GGACT: variants seen among roughly 807,000 people sequenced by gnomAD.
GGACT encodes gamma-glutamylamine cyclotransferase, also known as gamma-glutamylaminecyclotransferase.
For missense variants in GGACT, 241 were observed against 233.2 expected, an observed-to-expected ratio of 1.03 and a Z score of -0.22; for synonymous variants, 118 against 115.3, an observed-to-expected ratio of 1.02 and a Z score of -0.15.
At chr13:100,586,279 G>T (rs1417933739) in intron 1 of GGACT, among the ~76,000 whole-genome samples, 3 of 150,184 alleles carry the variant, frequency 2.0e-5, no homozygotes, top group Non-Finnish European at 3.0e-5. Context: ...ACCAAAAAAA[G>T]AAAAAAAAAG....
rs2088597973 is a variant in GGACT, at chr13:100,545,659, T to C, written c.-10-13058A>G. ...CCTGAAATTCCCGATTTTGTCTTTG[T>C]ATTTTGTAAGCAAAGCGAAGCCTGC... On this transcript the variant is annotated intron_variant, in intron 2 of 2. Coordinates refer to ENST00000683975, the MANE Select transcript of GGACT (RefSeq NM_001195087.2). The surrounding 1 kb of genome is among the most constrained non-coding windows in gnomAD (Gnocchi z 4.4). 6.6e-6 allele frequency among the ~76,000 whole-genome samples: 1 copy of C among 152,266 alleles called. No homozygotes were observed. The highest frequency in any genetic ancestry group is 1.9e-4 in the East Asian group (1 of 5,192).
chr13:100,565,602 GAGC>G (rs1483321317), intron 2 of GGACT, among the ~76,000 whole-genome samples: 1 of 152,156 alleles, frequency 6.6e-6, no homozygotes, highest in Non-Finnish European at 1.5e-5. Context: ...CCAGCTGCTT[GAGC>G]AGTGTTTTAC....
chr13:100,561,258 C>A (rs1254554916), intron 2 of GGACT, among the ~76,000 whole-genome samples: 1 of 152,194 alleles, frequency 6.6e-6, no homozygotes, highest in East Asian at 1.9e-4. Flanking sequence ...GTATAAGCAA[C>A]ACTTCCATAT....
chr13:100,564,684 A>G (rs1314590014), intron 2 of GGACT, among the ~76,000 whole-genome samples: 10 of 152,224 alleles, frequency 6.6e-5, no homozygotes. Flanking sequence ...TCATGATTCA[A>G]GGTCGACCGA....
At chr13:100,563,633 C>T (rs1164253807) in intron 2 of GGACT, among the ~76,000 whole-genome samples, 2 of 152,294 alleles carry the variant, frequency 1.3e-5, no homozygotes, top group African/African-American at 2.4e-5. Flanking sequence ...CTGAGCAACA[C>T]AGTTAAGACC....
intron 2 of GGACT, among the ~76,000 whole-genome samples, chr13:100,535,409 G>C (rs527984836): frequency 1.3e-5 from 2 of 152,304 alleles, no homozygotes; most frequent in Admixed American, 6.5e-5. Context: ...GAGCATAGTG[G>C]TTCTAAAGCA....
chr13:100,587,445 G>C (rs894417915), intron 1 of GGACT, among the ~76,000 whole-genome samples: 7 of 152,264 alleles, frequency 4.6e-5, no homozygotes, highest in African/African-American at 1.7e-4. Flanking sequence ...TTTACAATAC[G>C]AATCTCTGCT....
rs536745090 is a variant in GGACT at position 100,530,265 on chromosome 13, G to A, written c.*1865C>T. On this transcript the variant is annotated 3_prime_UTR_variant, in exon 3 of 3. Transcript: ENST00000683975. The stretch of plus-strand genomic sequence containing the variant: ...AAGCATTATACAGGAACACCCCTGT[G>A]CAGCTACGTTTACGTCGTCATTTAT... 314 of 954,818 alleles carry A rather than the reference G, an allele frequency of 3.3e-4. 2 individuals are homozygous for A. The African/African-American group carries it at 4.3e-3, about 13-fold the overall frequency. The allele number at this position is 954,818 out of a possible 1,614,324, so 59.1% of individuals were successfully genotyped here. A position where few individuals can be genotyped will look rare whatever the true frequency, so the allele number is the denominator to read the frequency against.
At chr13:100,536,504 T>C (rs1223223493) in intron 2 of GGACT, 1 of 151,378 alleles carries the variant, frequency 6.6e-6, no homozygotes, top group Non-Finnish European at 1.5e-5. Context: ...TTTCTTGTTG[T>C]GTGTTTTTTT....
intron 1 of GGACT, among the ~76,000 whole-genome samples, chr13:100,588,054 G>T (rs867292131): frequency 6.6e-6 from 1 of 152,152 alleles, no homozygotes; most frequent in East Asian, 1.9e-4. Context: ...GAAATCGACT[G>T]CATTTTCTTA....
chr13:100,573,483 C>T (rs1875156295), intron 2 of GGACT, among the ~76,000 whole-genome samples: 1 of 152,068 alleles, frequency 6.6e-6, no homozygotes, highest in Non-Finnish European at 1.5e-5. Context: ...TATTCCAATC[C>T]CAACAGATGT....
intron 1 of GGACT, chr13:100,586,895 C>A (rs1248058045): frequency 6.6e-6 from 1 of 152,194 alleles, no homozygotes; most frequent in African/African-American, 2.4e-5. Context: ...AACACGGCTG[C>A]CTTATCCTGA....
intron 2 of GGACT, among the ~76,000 whole-genome samples, chr13:100,546,924 A>G (rs984546050): frequency 2.6e-5 from 4 of 152,154 alleles, no homozygotes; most frequent in African/African-American, 9.7e-5. Context: ...CCCCTACGTC[A>G]TCTGGCACGG....
chr13:100,572,943 G>C (rs1875130529), intron 2 of GGACT, among the ~76,000 whole-genome samples: 1 of 152,134 alleles, frequency 6.6e-6, no homozygotes, highest in Non-Finnish European at 1.5e-5. Flanking sequence ...AATAGAACTT[G>C]ACATCTTTTG....
chr13:100,541,207 GC>G (rs1453444077), intron 2 of GGACT, among the ~76,000 whole-genome samples: 5 of 152,196 alleles, frequency 3.3e-5, no homozygotes, highest in African/African-American at 1.2e-4. Flanking sequence ...CACAGTGTGA[GC>G]CCAGCCCTTG....
chr13:100,586,454 G>A (rs1875576950), intron 1 of GGACT, among the ~76,000 whole-genome samples: 1 of 152,084 alleles, frequency 6.6e-6, no homozygotes, highest in African/African-American at 2.4e-5. Context: ...GGTTATCACT[G>A]GAGAGCCTTG....
intron 2 of GGACT, among the ~76,000 whole-genome samples, chr13:100,542,499 T>C (rs571247156): frequency 3.4e-4 from 52 of 152,324 alleles, no homozygotes; most frequent in African/African-American, 1.2e-3. Flanking sequence ...AAGAATGACA[T>C]GCATGAGACC....
At chr13:100,571,644 C>A (rs1404767029) in intron 2 of GGACT, among the ~76,000 whole-genome samples, 1 of 152,150 alleles carries the variant, frequency 6.6e-6, no homozygotes, top group Admixed American at 6.5e-5. Context: ...AGATGTACTT[C>A]ATTTCAAAGT....
At chr13:100,579,026 A>T (rs1047162326) in intron 2 of GGACT, 1 of 152,064 alleles carries the variant, frequency 6.6e-6, no homozygotes, top group Admixed American at 6.5e-5. Context: ...ACTCTTCCTT[A>T]CTCTAATTTA....
Sources: allele counts gnomAD v4.1 joint callset (sites outside exome capture counted in the v4.1 genomes callset), GRCh38; gene constraint gnomAD v4.1.1; non-coding constraint Gnocchi (gnomAD v3.1); transcripts MANE v1.5; gene names NCBI Gene and HGNC (gene_info 2026-07-23, HGNC 2026-07-21).